The following GSG1L variants were observed in gnomAD, a reference collection of about 807,000 sequenced individuals.
The protein encoded by GSG1L is GSG1 like.
A neutral mutation model predicts 42.1 loss-of-function variants in GSG1L; 24 were observed. The ratio of observed to expected loss-of-function variants is 0.57; its 90% CI spans 0.41 to 0.80. The LOEUF (loss-of-function observed/expected upper bound fraction) is 0.80, where lower values mean the gene tolerates loss of function less well. GSG1L is among the 30% of genes least tolerant of loss of function. The probability of loss-of-function intolerance (pLI) is 0.00; values close to 1 mark genes in which losing one functional copy is unlikely to be tolerated. For synonymous variants in GSG1L, 215 were observed against 203.5 expected, an observed-to-expected ratio of 1.06 and a Z score of -0.48; for missense variants, 445 against 472.2, an observed-to-expected ratio of 0.94 and a Z score of 0.53.
At chr16:28,004,187 G>T (rs1052775261) in intron 1 of GSG1L, among the ~76,000 whole-genome samples, 27 of 152,190 alleles carry the variant, frequency 1.8e-4, no homozygotes, top group African/African-American at 6.0e-4. Flanking sequence ...CTCAGAGAGG[G>T]TAGCTCTCTG....
intron 6 of GSG1L, among the ~76,000 whole-genome samples, chr16:27,794,107 T>C (rs2144389990): frequency 6.6e-6 from 1 of 152,298 alleles, no homozygotes; most frequent in South Asian, 2.1e-4. Context: ...CTCGAGCTCC[T>C]AGGTTTAAAC....
At chr16:28,048,345 T>A (rs2141192101) in intron 1 of GSG1L, among the ~76,000 whole-genome samples, 1 of 152,222 alleles carries the variant, frequency 6.6e-6, no homozygotes, top group African/African-American at 2.4e-5. Context: ...AAAAAAAATA[T>A]AAGGCAGAAA....
chr16:28,040,961 A>G lies in GSG1L; in HGVS notation c.349+22115T>C, dbSNP rs1286423256. Among the ~76,000 whole-genome samples, 1 of 152,090 alleles carries G rather than the reference A, an allele frequency of 6.6e-6. No individual in the cohort carries two copies. Among genetic ancestry groups the G allele is most frequent in the Non-Finnish European group, 1.5e-5 (1 of 68,024 alleles). ...TGCCAAGTGCTAGGGTGAGGACTGC[A>G]CCTCCGTGTCCTCTCAATCTCACAT... is the stretch of plus-strand genomic sequence containing the variant. On this transcript the variant is annotated intron_variant, in intron 1 of 6. Coordinates refer to ENST00000447459, the MANE Select transcript of GSG1L (RefSeq NM_001109763.2). The surrounding 1 kb of genome is among the most constrained non-coding windows in gnomAD (Gnocchi z 4.1).
intron 1 of GSG1L, among the ~76,000 whole-genome samples, chr16:27,979,793 A>AAAG: frequency 2.1e-5 from 3 of 139,846 alleles, no homozygotes; most frequent in Admixed American, 7.4e-5. Context: ...AAAAAGAAAG[A>AAAG]AAGGAAAGAA....
At chr16:27,871,379 C>T (rs936913630) in intron 3 of GSG1L, among the ~76,000 whole-genome samples, 12 of 152,170 alleles carry the variant, frequency 7.9e-5, no homozygotes, top group Admixed American at 5.9e-4. Context: ...CAGTGGCTCA[C>T]ACCTGTAATC....
At chr16:27,935,234 G>T (rs2084701022) in intron 2 of GSG1L, among the ~76,000 whole-genome samples, 1 of 152,142 alleles carries the variant, frequency 6.6e-6, no homozygotes, top group African/African-American at 2.4e-5. Context: ...CCCTGGAATG[G>T]CTGCTGAGAG....
At chr16:27,934,112 TC>T (rs2084687473) in intron 2 of GSG1L, among the ~76,000 whole-genome samples, 1 of 151,964 alleles carries the variant, frequency 6.6e-6, no homozygotes, top group Admixed American at 6.6e-5. Flanking sequence ...AGAACAACCT[TC>T]CCCAGCACGC....
At chr16:28,062,402 T>C (rs2086352074) in intron 1 of GSG1L, among the ~76,000 whole-genome samples, 1 of 152,174 alleles carries the variant, frequency 6.6e-6, no homozygotes, top group African/African-American at 2.4e-5. Flanking sequence ...ACCCGGAGTT[T>C]GCCCAGCTGT....
At chr16:27,843,504 TAAAAAAAAAAAA>T (rs55755431) in intron 4 of GSG1L, among the ~76,000 whole-genome samples, 2 of 75,942 alleles carry the variant, frequency 2.6e-5, no homozygotes, top group African/African-American at 9.7e-5. Flanking sequence ...AGAGACTCTG[TAAAAAAAAAAAA>T]AAAAAAAAAA....
intron 1 of GSG1L, among the ~76,000 whole-genome samples, chr16:27,987,822 C>T (rs1490780292): frequency 6.6e-6 from 1 of 151,970 alleles, no homozygotes; most frequent in African/African-American, 2.4e-5. Flanking sequence ...TGGCGCATGC[C>T]TGTAGTCCCA....
rs1408110858 is a variant in GSG1L at position 27,940,403 on chromosome 16, C to T, written c.397+22753G>A. ...ATGCTGCTATAAAGACACATGCACACGTATGTTTATTGCGGCACTATTCAC... is the reference window on the plus strand; with the variant it reads ...ATGCTGCTATAAAGACACATGCACATGTATGTTTATTGCGGCACTATTCAC... On this transcript the variant is annotated intron_variant, in intron 2 of 6. Coordinates refer to ENST00000447459, the MANE Select transcript of GSG1L (RefSeq NM_001109763.2). Among the ~76,000 whole-genome samples the T allele has an allele frequency of 8.3e-3, 1,191 of 144,356 alleles. 16 individuals carry two copies. The highest frequency in any genetic ancestry group is 0.029 in the African/African-American group (1,133 of 38,676). The allele number at this position is 144,356 out of a possible 152,430, so 94.7% of individuals were successfully genotyped here.
Position 28,025,473 on chromosome 16 carries a change from A to G in GSG1L, c.349+37603T>C, listed in dbSNP as rs117834293. Among the ~76,000 whole-genome samples, 472 of 152,308 alleles carry G rather than the reference A, an allele frequency of 3.1e-3. 1 individual carries two copies. The highest frequency in any genetic ancestry group is 4.7e-3 in the Non-Finnish European group (318 of 68,008). On this transcript the variant is annotated intron_variant, in intron 1 of 6. Transcript: ENST00000447459. The stretch of plus-strand genomic sequence containing the variant: ...TTTCCTTGTGCTGTTCTTTCTGCCT[A>G]AAATGCTCACTGCTGGATCAATTTC...
chr16:27,806,110 A>T (rs1325927196), intron 6 of GSG1L, among the ~76,000 whole-genome samples: 1 of 152,060 alleles, frequency 6.6e-6, no homozygotes, highest in Non-Finnish European at 1.5e-5. Context: ...TCCCTGCAGG[A>T]GGAGTTCTCC....
intron 2 of GSG1L, among the ~76,000 whole-genome samples, chr16:27,944,644 G>C (rs914462475): frequency 6.6e-6 from 1 of 150,536 alleles, no homozygotes; most frequent in African/African-American, 2.4e-5. Flanking sequence ...AAAGGAAGAC[G>C]TGAAGTACTG....
intron 2 of GSG1L, among the ~76,000 whole-genome samples, chr16:27,931,168 G>C (rs2084653878): frequency 6.6e-6 from 1 of 152,074 alleles, no homozygotes. Flanking sequence ...TCTTCACTCG[G>C]GCTCTTCGTG....
At chr16:28,036,962 T>A (rs1463385055) in intron 1 of GSG1L, among the ~76,000 whole-genome samples, 2 of 152,236 alleles carry the variant, frequency 1.3e-5, no homozygotes, top group Non-Finnish European at 2.9e-5. Flanking sequence ...TGGTTTGTAC[T>A]CCCCAGAAGA....
chr16:28,014,197 A>G (rs2085755045), intron 1 of GSG1L, among the ~76,000 whole-genome samples: 1 of 152,222 alleles, frequency 6.6e-6, no homozygotes, highest in Admixed American at 6.5e-5. Context: ...ATCAAGGAAG[A>G]CTTCCTGGAG....
rs192547818 is a variant in GSG1L, at chr16:27,923,652, G to A, written c.398-39014C>T. 3.8e-3 allele frequency among the ~76,000 whole-genome samples: 569 copies of A among 150,256 alleles called. 4 individuals carry two copies. Among genetic ancestry groups the A allele is most frequent in the African/African-American group, 0.013 (540 of 40,892 alleles). On this transcript the variant is annotated intron_variant, in intron 2 of 6. Transcript: ENST00000447459. Reference sequence around the variant, plus strand: ...AGCTACTTGGGAGGCTGAGGCAGGAGAATCACTTGAACCCAGGAGGTGGAG... The same window carrying A: ...AGCTACTTGGGAGGCTGAGGCAGGAAAATCACTTGAACCCAGGAGGTGGAG...
At chr16:27,992,828 G>A (rs2141136379) in intron 1 of GSG1L, among the ~76,000 whole-genome samples, 1 of 152,114 alleles carries the variant, frequency 6.6e-6, no homozygotes, top group East Asian at 1.9e-4. Flanking sequence ...GAGGGCCTTG[G>A]GTGACTTGAG....
Sources: gnomAD v4.1 joint callset for allele counts (sites outside exome capture counted in the v4.1 genomes callset) on GRCh38, gnomAD v4.1.1 for gene constraint, Gnocchi (gnomAD v3.1) non-coding constraint, MANE v1.5 for transcripts, NCBI Gene and HGNC (gene_info 2026-07-23, HGNC 2026-07-21) for gene names.